The following ZMAT4 variants were observed in gnomAD, a reference collection of about 807,000 sequenced individuals.
The protein encoded by ZMAT4 is zinc finger matrin-type 4.
A neutral mutation model predicts 28.7 loss-of-function variants in ZMAT4; 17 were observed. The observed-to-expected ratio is 0.59, with a 90% confidence interval of 0.41 to 0.89. The LOEUF (loss-of-function observed/expected upper bound fraction) is 0.89, where lower values mean the gene tolerates loss of function less well. Among genes scored for constraint, ZMAT4 ranks in the 40% least tolerant of loss-of-function variants. ZMAT4 has a pLI of 0.00. For missense variants in ZMAT4, 240 were observed against 283.8 expected (o/e 0.85, Z 1.11); for synonymous variants, 117 against 109.2 (o/e 1.07, Z -0.44).
intron 6 of ZMAT4, among the ~76,000 whole-genome samples, chr8:40,577,479 A>G (rs992648404): frequency 3.9e-5 from 6 of 152,194 alleles, no homozygotes; most frequent in Admixed American, 1.3e-4. Context: ...AGCTGATCTC[A>G]TAGAAGTAGA....
intron 5 of ZMAT4, among the ~76,000 whole-genome samples, chr8:40,635,009 G>A (rs1299826511): frequency 1.3e-5 from 2 of 152,122 alleles, no homozygotes; most frequent in Non-Finnish European, 2.9e-5. Flanking sequence ...TCTCCATTCT[G>A]TCTCCCCATT....
intron 1 of ZMAT4, among the ~76,000 whole-genome samples, chr8:40,832,473 C>T (rs937687562): frequency 6.6e-6 from 1 of 152,166 alleles, no homozygotes; most frequent in Non-Finnish European, 1.5e-5. Flanking sequence ...CCGCTGTGCC[C>T]TCTGCCGAGT....
chr8:40,680,499 C>T (rs377553378), intron 4 of ZMAT4, among the ~76,000 whole-genome samples: 1 of 152,114 alleles, frequency 6.6e-6, no homozygotes, highest in Non-Finnish European at 1.5e-5. Flanking sequence ...ACAAGATCCA[C>T]GGACAGATCT....
At chr8:40,810,701 A>T (rs903690712) in intron 2 of ZMAT4, among the ~76,000 whole-genome samples, 8 of 152,210 alleles carry the variant, frequency 5.3e-5, no homozygotes, top group Non-Finnish European at 4.4e-5. Flanking sequence ...TGTTTACTAA[A>T]TTGATCACAT....
At chr8:40,629,007 C>CTTTT (rs55887019) in intron 5 of ZMAT4, among the ~76,000 whole-genome samples, 1 of 145,462 alleles carries the variant, frequency 6.9e-6, no homozygotes, top group Non-Finnish European at 1.5e-5. Flanking sequence ...GCTTTCTTTT[C>CTTTT]TTTTTTTTTT....
At chr8:40,748,379 AAT>A (rs1386667085) in intron 3 of ZMAT4, among the ~76,000 whole-genome samples, 2 of 152,208 alleles carry the variant, frequency 1.3e-5, no homozygotes, top group African/African-American at 4.8e-5. Flanking sequence ...GACATGCTCA[AAT>A]AGCTGCATTT....
rs1328967037 is a variant in ZMAT4 at position 40,697,345 on chromosome 8, T to A, written c.249A>T (p.Ser83=). 6.2e-7 allele frequency: 1 copy of A among 1,613,906 alleles called. No homozygotes were observed. Among genetic ancestry groups the A allele is most frequent in the Non-Finnish European group, 8.5e-7 (1 of 1,179,876 alleles). Residue 83 remains serine, a synonymous_variant, in exon 4 of 7, where the codon TCA becomes TCT. Coordinates refer to ENST00000297737, the MANE Select transcript of ZMAT4 (RefSeq NM_024645.3). ...AATCGGCCACCACCGCTGAAGTGAATGACATGTTGCAGAGTGTGCAGCACT... is the reference window on the plus strand; with the variant it reads ...AATCGGCCACCACCGCTGAAGTGAAAGACATGTTGCAGAGTGTGCAGCACT... ...KNKCCTLCNM[S]FTSAVVADSH... is the part of the protein sequence containing the mutation.
chr8:40,696,510 C>G (rs1323808411), intron 4 of ZMAT4, among the ~76,000 whole-genome samples: 1 of 152,152 alleles, frequency 6.6e-6, no homozygotes, highest in Non-Finnish European at 1.5e-5. Flanking sequence ...CAACATAAAT[C>G]TTGTCCAAAT....
chr8:40,658,215 C>T (rs1456253155), intron 5 of ZMAT4, among the ~76,000 whole-genome samples: 1 of 152,058 alleles, frequency 6.6e-6, no homozygotes, highest in African/African-American at 2.4e-5. Context: ...TCCTCGCATT[C>T]TATTAGCTGG....
intron 3 of ZMAT4, among the ~76,000 whole-genome samples, chr8:40,706,346 G>A (rs550900704): frequency 6.6e-5 from 10 of 152,182 alleles, no homozygotes; most frequent in South Asian, 2.1e-4. Context: ...GAGCCACTGC[G>A]CCCAGCCAGA....
intron 5 of ZMAT4, 172 bp downstream of exon 5, chr8:40,674,532 T>A: frequency 1.7e-6 from 1 of 588,042 alleles, no homozygotes; most frequent in Middle Eastern, 3.9e-4. Flanking sequence ...ATTATAAAAA[T>A]TAAACTAAAG....
chr8:40,784,167 A>T (rs1813964295), intron 2 of ZMAT4, among the ~76,000 whole-genome samples: 1 of 152,204 alleles, frequency 6.6e-6, no homozygotes, highest in South Asian at 2.1e-4. Context: ...TTAAATGTTG[A>T]TGCCAAAACC....
intron 2 of ZMAT4, among the ~76,000 whole-genome samples, chr8:40,811,379 G>A (rs1057284011): frequency 6.6e-6 from 1 of 152,184 alleles, no homozygotes; most frequent in Admixed American, 6.5e-5. Flanking sequence ...GACAATTAAA[G>A]GCATCCTCCG....
chr8:40,806,126 G>A (rs919375332), intron 2 of ZMAT4, among the ~76,000 whole-genome samples: 2 of 151,994 alleles, frequency 1.3e-5, no homozygotes, highest in Admixed American at 6.6e-5. Context: ...AAACCAAAAC[G>A]GTAAAGGTCT....
At chr8:40,565,782 C>T (rs1428100928) in intron 6 of ZMAT4, among the ~76,000 whole-genome samples, 15 of 147,754 alleles carry the variant, frequency 1.0e-4, no homozygotes, top group East Asian at 5.9e-4. Flanking sequence ...TTAATAAGAG[C>T]TCCTCAGAGA....
chr8:40,689,098 A>T (rs1051603146), intron 4 of ZMAT4, among the ~76,000 whole-genome samples: 1 of 152,260 alleles, frequency 6.6e-6, no homozygotes, highest in Non-Finnish European at 1.5e-5. Context: ...AATGCCTCCC[A>T]TGGGTCCTTG....
intron 3 of ZMAT4, among the ~76,000 whole-genome samples, chr8:40,729,961 G>A (rs1315871058): frequency 3.9e-5 from 6 of 152,062 alleles, no homozygotes; most frequent in Admixed American, 6.6e-5. Context: ...TGGTTGATCA[G>A]GCATAAACAA....
chr8:40,830,918 T>C (rs1816257680), intron 1 of ZMAT4, among the ~76,000 whole-genome samples: 1 of 152,146 alleles, frequency 6.6e-6, no homozygotes, highest in African/African-American at 2.4e-5. Flanking sequence ...AGGGTTATTG[T>C]GAGGATTAGA....
chr8:40,717,197 T>C (rs1032308159), intron 3 of ZMAT4, among the ~76,000 whole-genome samples: 1 of 152,186 alleles, frequency 6.6e-6, no homozygotes, highest in African/African-American at 2.4e-5. Flanking sequence ...TAAGTCCCAA[T>C]TTGAAGGACC....
Sources: allele counts gnomAD v4.1 joint callset (sites outside exome capture counted in the v4.1 genomes callset), GRCh38; gene constraint gnomAD v4.1.1; transcripts MANE v1.5; gene names NCBI Gene and HGNC (gene_info 2026-07-23, HGNC 2026-07-21).